Variants in XPO4 observed in about 807,000 individuals in gnomAD.
XPO4 encodes exportin 4, also known as exportin-4.
A neutral mutation model predicts 143.0 loss-of-function variants in XPO4; 39 were observed. The observed-to-expected ratio is 0.27, with a 90% CI of 0.21 to 0.36. XPO4 has a LOEUF of 0.36. Among genes scored for constraint, XPO4 ranks in the 10% least tolerant of loss-of-function variants. XPO4 has a pLI of 1.00. For missense variants in XPO4, 907 were observed against 1,348.0 expected (o/e 0.67, Z 5.12); for synonymous variants, 439 against 474.0 (o/e 0.93, Z 0.96).
intron 4 of XPO4, among the ~76,000 whole-genome samples, chr13:20,844,166 G>A (rs533155018): frequency 1.3e-5 from 2 of 152,150 alleles, no homozygotes; most frequent in South Asian, 4.1e-4. Context: ...ACTCAATAGT[G>A]GAATTCAAAT....
chr13:20,878,245 A>C (rs1348506752), intron 1 of XPO4, among the ~76,000 whole-genome samples: 2 of 152,168 alleles, frequency 1.3e-5, no homozygotes, highest in African/African-American at 4.8e-5. Context: ...ATAAAATGGA[A>C]CAATCACTTA....
At chr13:20,864,848 G>A (rs1044358131) in intron 2 of XPO4, among the ~76,000 whole-genome samples, 1 of 148,978 alleles carries the variant, frequency 6.7e-6, no homozygotes, top group Non-Finnish European at 1.5e-5. Context: ...ACTCCCATAA[G>A]AAGCTGACTC....
In XPO4 at chr13:20,787,055, C is replaced by G. The variant is rs2059215928; in HGVS notation, c.3168G>C (p.Leu1056=). ...TTTGCAAAACCAGCATATCAAAAAC[C>G]AGCTGAAATTACATAAGACTTCTAA... ...LFLATRHFLK[L]VFDMLVLQKH... Residue 1056 remains leucine, a splice_region_variant and synonymous_variant, in exon 22 of 23, where the codon CTG becomes CTC. Coordinates refer to ENST00000255305, the MANE Select transcript of XPO4 (RefSeq NM_022459.5). 2 of 1,560,650 alleles carry G rather than the reference C, an allele frequency of 1.3e-6. No individual in the cohort carries two copies. The highest frequency in any genetic ancestry group is 1.7e-6 in the Non-Finnish European group (2 of 1,150,442).
At chr13:20,806,904 C>T (rs540098847) in intron 13 of XPO4, among the ~76,000 whole-genome samples, 5 of 152,112 alleles carry the variant, frequency 3.3e-5, no homozygotes, top group South Asian at 2.1e-4. Flanking sequence ...TAAGAATTAA[C>T]GAAAATTTTG....
In XPO4 at chr13:20,813,891, G is replaced by GC. The variant is rs966453444; in HGVS notation, c.1174-3925_1174-3924insG. Among the ~76,000 whole-genome samples, 77 of 151,148 alleles carry GC rather than the reference G, an allele frequency of 5.1e-4. 1 individual carries two copies. Among genetic ancestry groups the GC allele is most frequent in the African/African-American group, 1.7e-3 (71 of 41,142 alleles). On this transcript the variant is annotated intron_variant, in intron 9 of 22. Transcript: ENST00000255305. ...AAGAATCGCTTAAACCCGGGAGGCA[G>GC]AAGTTGCTGTGAGCCAATATTACGC...
At chr13:20,796,361 A>G in intron 17 of XPO4, 105 bp from the exon 18 acceptor site, 1 of 821,306 alleles carries the variant, frequency 1.2e-6, no homozygotes, top group Non-Finnish European at 1.7e-6. Flanking sequence ...AACAGTAGCA[A>G]TAATTCTTGC....
At chr13:20,837,495 C>T (rs1355294342) in intron 6 of XPO4, among the ~76,000 whole-genome samples, 5 of 151,998 alleles carry the variant, frequency 3.3e-5, no homozygotes, top group African/African-American at 1.2e-4. Flanking sequence ...CACCTCTGAC[C>T]GCCGGGTTCA....
At chr13:20,839,216 A>G (rs1031164068) in intron 6 of XPO4, among the ~76,000 whole-genome samples, 1 of 152,216 alleles carries the variant, frequency 6.6e-6, no homozygotes, top group African/African-American at 2.4e-5. Flanking sequence ...GTGAGCCGAG[A>G]TCGCGCCACG....
At chr13:20,851,784 T>A in intron 4 of XPO4, 1 of 981,576 alleles carries the variant, frequency 1.0e-6, no homozygotes, top group Non-Finnish European at 1.2e-6. Context: ...AACTTTGGAG[T>A]CTTTCATGAG....
In XPO4 at chr13:20,800,253, G is replaced by C. The variant is rs1469437575; in HGVS notation, c.2050C>G (p.Gln684Glu). The change falls in exon 15 of 23, where the codon CAA becomes GAA. Residue 684 changes from glutamine (Q) to glutamate (E), a missense_variant. Transcript: ENST00000255305. ...ACTGAGAGGTTACTGATGACTTTTT[G>C]TAAGAGGTAGCCAATTATCCACTGA... ...GSQWIIGYLLQKVISNLSVWS... is the reference protein window; with the variant it reads ...GSQWIIGYLLEKVISNLSVWS... 3 of 1,613,956 alleles carry C rather than the reference G, an allele frequency of 1.9e-6. No homozygotes were observed. The highest frequency in any genetic ancestry group is 2.5e-6 in the Non-Finnish European group (3 of 1,180,016).
intron 9 of XPO4, among the ~76,000 whole-genome samples, chr13:20,810,792 GC>G (rs2137899340): frequency 6.6e-6 from 1 of 152,282 alleles, no homozygotes; most frequent in Non-Finnish European, 1.5e-5. Flanking sequence ...AAACCCTGAG[GC>G]TGTATACGCT....
intron 3 of XPO4, chr13:20,859,991 C>T (rs2060181429): frequency 1.1e-5 from 3 of 282,346 alleles, no homozygotes; most frequent in African/African-American, 2.3e-5. Context: ...AAAAAAGAAC[C>T]GCTCTAGTTG....
intron 2 of XPO4, chr13:20,865,481 C>G: frequency 1.0e-6 from 1 of 985,372 alleles, no homozygotes; most frequent in Non-Finnish European, 1.2e-6. Context: ...CTGCCACTGA[C>G]TAGGACACTG....
chr13:20,852,978 C>T, intron 4 of XPO4: 1 of 985,318 alleles, frequency 1.0e-6, no homozygotes, highest in Non-Finnish European at 1.2e-6. Context: ...AAGCTCATGA[C>T]ATGCTGATCA....
chr13:20,886,825 G>C (rs1195105727), intron 1 of XPO4, among the ~76,000 whole-genome samples: 2 of 152,146 alleles, frequency 1.3e-5, no homozygotes, highest in Admixed American at 1.3e-4. Flanking sequence ...TGTAATCCCA[G>C]CACTTTGGGA....
chr13:20,855,884 C>T (rs569729424), intron 3 of XPO4, 119 bp from the exon 4 acceptor site: 1 of 1,132,840 alleles, frequency 8.8e-7, no homozygotes, highest in African/African-American at 1.6e-5. Flanking sequence ...AGTAGAAGAG[C>T]CAAAGGGTTA....
intron 4 of XPO4, among the ~76,000 whole-genome samples, chr13:20,854,737 A>T (rs890046336): frequency 7.9e-5 from 12 of 152,186 alleles, no homozygotes; most frequent in Non-Finnish European, 1.3e-4. Flanking sequence ...AGACAGAGTG[A>T]TTACAACCAA....
At chr13:20,800,649 A>G (rs1399347630) in intron 14 of XPO4, among the ~76,000 whole-genome samples, 182 bp downstream of exon 14, 1 of 152,232 alleles carries the variant, frequency 6.6e-6, no homozygotes, top group Non-Finnish European at 1.5e-5. Context: ...AACGATATCA[A>G]GGGATGTGCT....
intron 14 of XPO4, 76 bp downstream of exon 14, chr13:20,800,755 A>G (rs2059422884): frequency 6.5e-7 from 1 of 1,547,826 alleles, no homozygotes; most frequent in Non-Finnish European, 8.7e-7. Context: ...ATGAAAAACC[A>G]CCAAGAAAAA....
Sources: allele counts gnomAD v4.1 joint callset (sites outside exome capture counted in the v4.1 genomes callset), GRCh38; gene constraint gnomAD v4.1.1; transcripts MANE v1.5; gene names NCBI Gene and HGNC (gene_info 2026-07-23, HGNC 2026-07-21).